TBC1D17: variants seen among roughly 807,000 people sequenced by gnomAD.
TBC1D17 encodes TBC1 domain family, member 17.
In TBC1D17, 69 loss-of-function variants were observed where a neutral mutation model predicts 78.8. That is an observed-to-expected ratio of 0.88 (90% CI 0.72 to 1.07). The LOEUF is 1.07. Among genes scored for constraint, TBC1D17 ranks in the 50% least tolerant of loss-of-function variants. The pLI is 0.00. For synonymous variants in TBC1D17, 456 were observed against 358.3 expected (o/e 1.27, Z -3.08); for missense variants, 957 against 861.0 (o/e 1.11, Z -1.39).
intron 13 of TBC1D17, chr19:49,885,134 G>C (rs73594159): frequency 6.5e-4 from 177 of 271,860 alleles, no homozygotes; most frequent in African/African-American, 3.5e-3. Flanking sequence ...GGCTGGGGGT[G>C]CTGCATCCCA....
intron 5 of TBC1D17, 43 bp from the exon 6 acceptor site, chr19:49,881,998 C>G (rs545147712): frequency 6.5e-7 from 1 of 1,529,930 alleles, no homozygotes; most frequent in Non-Finnish European, 9.0e-7. Flanking sequence ...GGACACTGGG[C>G]CCCTACCTGT....
At chr19:49,884,407 G>C in intron 11 of TBC1D17, 38 bp downstream of exon 11, 2 of 1,613,842 alleles carry the variant, frequency 1.2e-6, no homozygotes, top group Non-Finnish European at 1.7e-6. Context: ...GGCCGGGGCT[G>C]TCCAGGGGAG....
At position 49,884,473 on chromosome 19, in the gene TBC1D17, A is replaced by G. The variant is rs746757674; in HGVS notation, c.1258A>G (p.Met420Val). Residue 420 changes from methionine (M) to valine (V), a missense_variant, in exon 12 of 17, where the codon ATG (methionine) becomes GTG (valine). Physicochemically the swap from Met to Val is conservative, Grantham distance 21. Coordinates refer to ENST00000221543, the MANE Select transcript of TBC1D17 (RefSeq NM_024682.3). ...YHFDLGYVQG[M>V]SDLLSPILYV... ...TGTCCCCCCAGGCTACGTCCAGGGC[A>G]TGAGTGATCTTCTCTCCCCGATCCT... is the stretch of plus-strand genomic sequence containing the variant. The G allele has an allele frequency of 1.2e-6, 2 of 1,614,152 alleles. No homozygotes were observed. Among genetic ancestry groups the G allele is most frequent in the Admixed American group, 1.7e-5 (1 of 60,020 alleles).
At chr19:49,877,796 C>T in intron 1 of TBC1D17, 52 bp downstream of exon 1, 1 of 1,554,078 alleles carries the variant, frequency 6.4e-7, no homozygotes, top group Middle Eastern at 1.7e-4. Flanking sequence ...AACGCCCCGT[C>T]TAGTGATCAG....
chr19:49,883,115 C>A, intron 9 of TBC1D17, 39 bp downstream of exon 9: 1 of 1,558,740 alleles, frequency 6.4e-7, no homozygotes, highest in Non-Finnish European at 8.7e-7. Context: ...AGGCATGACA[C>A]CTGGTACCTC....
chr19:49,880,287 T>TG lies in TBC1D17; in HGVS notation c.209dup (p.Asp71Ter), dbSNP rs746785327. 1 of 1,614,026 alleles carries TG rather than the reference T, an allele frequency of 6.2e-7. No individual in the cohort carries two copies. The highest frequency in any genetic ancestry group is 2.2e-5 in the East Asian group (1 of 44,884). On this transcript the variant is annotated frameshift_variant, in exon 4 of 17. Coordinates refer to ENST00000221543, the MANE Select transcript of TBC1D17 (RefSeq NM_024682.3). LOFTEE classifies it high-confidence loss of function. Reference sequence around the variant, plus strand: ...TCCTTTCCTCTCCTAAGGACTCCAGTGGGGGTGACTCATGTGCTTCTGAGG... The same window carrying TG: ...TCCTTTCCTCTCCTAAGGACTCCAGTGGGGGGTGACTCATGTGCTTCTGAGG...
chr19:49,888,178 T>C (rs2075078617), intron 15 of TBC1D17, 53 bp from the exon 16 acceptor site: 1 of 1,550,664 alleles, frequency 6.4e-7, no homozygotes, highest in Non-Finnish European at 8.7e-7. Flanking sequence ...GAGTGGGCGC[T>C]CGGGCGGAGG....
At position 49,882,901 on chromosome 19, in the gene TBC1D17, C is replaced by CAGGACAGGTGGAAGAAT; in HGVS notation, c.927+10_927+26dup. 1.2e-6 allele frequency: 2 copies of CAGGACAGGTGGAAGAAT among 1,602,070 alleles called. No individual in the cohort carries two copies. The highest frequency in any genetic ancestry group is 1.7e-6 in the Non-Finnish European group (2 of 1,174,444). On this transcript the variant is annotated intron_variant, in intron 8 of 16. Coordinates refer to ENST00000221543, the MANE Select transcript of TBC1D17 (RefSeq NM_024682.3). Reference sequence around the variant, plus strand: ...ACCGGATCTTCTCGGGGGTGAGTGCCAGGACAGGTGGAAGAATGGGGCAGG... The same window carrying CAGGACAGGTGGAAGAAT: ...ACCGGATCTTCTCGGGGGTGAGTGCCAGGACAGGTGGAAGAATAGGACAGGTGGAAGAATGGGGCAGG...
Position 49,884,728 on chromosome 19 carries a change from G to C in TBC1D17, c.1414G>C (p.Val472Leu). 1 of 1,614,032 alleles carries C rather than the reference G, an allele frequency of 6.2e-7. No homozygotes were observed. Among genetic ancestry groups the C allele is most frequent in the East Asian group, 2.2e-5 (1 of 44,876 alleles). ...QLGRLLLLLR[V>L]LDPLLCDFLD... ...CGGGCGACTGCTGCTGCTCCTGAGG[G>C]TGCTGGACCCCCTGCTCTGCGACTT... is the stretch of plus-strand genomic sequence containing the variant. The change falls in exon 13 of 17, where the codon GTG becomes CTG. Residue 472 changes from valine (V) to leucine (L), a missense_variant. Transcript: ENST00000221543.
At chr19:49,885,939 C>CACTCCAGCCTGGGCATTGG (rs1568677860) in intron 13 of TBC1D17, among the ~76,000 whole-genome samples, 2 of 141,990 alleles carry the variant, frequency 1.4e-5, no homozygotes, top group African/African-American at 5.4e-5. Flanking sequence ...TGTGCCATTG[C>CACTCCAGCCTGGGCATTGG]ACTCCAGCCT....
intron 5 of TBC1D17, 141 bp downstream of exon 5, chr19:49,881,616 A>C: frequency 3.7e-6 from 3 of 813,266 alleles, no homozygotes; most frequent in Non-Finnish European, 5.7e-6. Flanking sequence ...TATAACTAAA[A>C]AGTCAAAAAG....
Position 49,881,462 on chromosome 19 carries a change from C to T in TBC1D17, c.514C>T (p.Leu172=). The T allele has an allele frequency of 6.2e-7, 1 of 1,609,208 alleles. No individual in the cohort carries two copies. The highest frequency in any genetic ancestry group is 8.5e-7 in the Non-Finnish European group (1 of 1,179,746). Residue 172 remains leucine (L), a synonymous_variant, in exon 5 of 17, where the codon CTG becomes TTG. Coordinates refer to ENST00000221543, the MANE Select transcript of TBC1D17 (RefSeq NM_024682.3). ...RALLRVLSRY[L]LLASSPQDSR... ...CCTGCTCCGCGTCCTCAGCCGCTAC[C>T]TGCTGTTGGCCAGGTGAGCTCTCTC... is the stretch of plus-strand genomic sequence containing the variant.
rs944409194 is a variant in TBC1D17 at position 49,884,803 on chromosome 19, C to G, written c.1444+45C>G. On this transcript the variant is annotated intron_variant, in intron 13 of 16. Coordinates refer to ENST00000221543, the MANE Select transcript of TBC1D17 (RefSeq NM_024682.3). ...GGGCAGGAGACAATGGGGCCATAGA[C>G]CTTGCCAGATTCTCTGGTAGCAGCC... is the stretch of plus-strand genomic sequence containing the variant. The G allele has an allele frequency of 3.8e-6, 6 of 1,562,238 alleles. No homozygotes were observed. The Admixed American group carries it at 5.1e-5, about 13-fold the overall frequency.
At chr19:49,887,618 C>T (rs2075069141) in intron 14 of TBC1D17, 45 bp downstream of exon 14, 2 of 1,611,728 alleles carry the variant, frequency 1.2e-6, no homozygotes, top group South Asian at 2.2e-5. Context: ...GGTGGGCTCA[C>T]CTGCCCTGGG....
Position 49,887,539 on chromosome 19 carries a change from A to G in TBC1D17, c.1508A>G (p.Glu503Gly). 1 of 1,614,136 alleles carries G rather than the reference A, an allele frequency of 6.2e-7. No individual in the cohort carries two copies. Among genetic ancestry groups the G allele is most frequent in the Non-Finnish European group, 8.5e-7 (1 of 1,180,004 alleles). The change falls in exon 14 of 17, where the codon GAA (glutamate) becomes GGA (glycine). Residue 503 changes from glutamate (E) to glycine (G), a missense_variant. Transcript: ENST00000221543. ...TGGCTGCTCATCTGGTTCAAGAGGG[A>G]ATTCCCCTTCCCGGATGTCCTTCGG... ...FRWLLIWFKREFPFPDVLRLW... is the reference protein window; with the variant it reads ...FRWLLIWFKRGFPFPDVLRLW...
In TBC1D17 at chr19:49,888,220, C is replaced by G. The variant is rs1186037891; in HGVS notation, c.1660-11C>G. The G allele has an allele frequency of 3.2e-6, 5 of 1,572,236 alleles. No individual in the cohort carries two copies. The African/African-American group carries it at 5.4e-5, about 17-fold the overall frequency. On this transcript the variant is annotated splice_polypyrimidine_tract_variant and intron_variant, in intron 15 of 16. Coordinates refer to ENST00000221543, the MANE Select transcript of TBC1D17 (RefSeq NM_024682.3). Reference sequence around the variant, plus strand: ...AGTGCCGACTGGCGCCTGACCCACCCCCTCCCGCAGCACATCAACGAGCTG... The same window carrying G: ...AGTGCCGACTGGCGCCTGACCCACCGCCTCCCGCAGCACATCAACGAGCTG...
rs1555816225 is a variant in TBC1D17 at position 49,887,528 on chromosome 19, G to C, written c.1497G>C (p.Trp499Cys). Reference protein sequence around the residue: ...LCFCFRWLLIWFKREFPFPDV... With the variant: ...LCFCFRWLLICFKREFPFPDV... Reference sequence around the variant, plus strand: ...TCTGTTTCCGGTGGCTGCTCATCTGGTTCAAGAGGGAATTCCCCTTCCCGG... The same window carrying C: ...TCTGTTTCCGGTGGCTGCTCATCTGCTTCAAGAGGGAATTCCCCTTCCCGG... The change falls in exon 14 of 17, where the codon TGG becomes TGC. Residue 499 changes from tryptophan to cysteine, a missense_variant. Transcript: ENST00000221543. 5.6e-6 allele frequency: 9 copies of C among 1,614,080 alleles called. 1 individual carries two copies. The highest frequency in any genetic ancestry group is 5.5e-5 in the South Asian group (5 of 91,084).
chr19:49,888,399 CGCT>C, intron 16 of TBC1D17, 22 bp from the exon 17 acceptor site: 3 of 1,332,044 alleles, frequency 2.3e-6, no homozygotes, highest in Non-Finnish European at 3.0e-6. Flanking sequence ...TTCCGCTTTT[CGCT>C]TCTCTCATCC....
chr19:49,878,897 G>A lies in TBC1D17; in HGVS notation c.195+325G>A, dbSNP rs554745433. 6 of 323,454 alleles carry A rather than the reference G, an allele frequency of 1.9e-5. No homozygotes were observed. The Admixed American group carries it at 2.7e-4, about 14-fold the overall frequency. 20.0% of individuals were successfully genotyped at this position (323,454 alleles called of 1,614,324 possible). ...GAAGGGAAATGGCATTTCCTCTGGT[G>A]CCAGAGGACAGGGCCTGACAGCCTA... On this transcript the variant is annotated intron_variant, in intron 3 of 16. Transcript: ENST00000221543.
Sources: gnomAD v4.1 joint callset for allele counts (sites outside exome capture counted in the v4.1 genomes callset) on GRCh38, gnomAD v4.1.1 for gene constraint, MANE v1.5 for transcripts, NCBI Gene and HGNC (gene_info 2026-07-23, HGNC 2026-07-21) for gene names.